ENTREP2: variants seen among roughly 807,000 people sequenced by gnomAD.
The protein encoded by ENTREP2 is endosomal transmembrane epsin interactor 2, also known as protein ENTREP2.
chr15:29,347,473 T>A, the ENTREP2 span, among the ~76,000 whole-genome samples: 4 of 152,166 alleles, frequency 2.6e-5, no homozygotes, highest in African/African-American at 9.7e-5. Context: ...GCTGAGCCTA[T>A]GGCATCTTAA....
chr15:29,172,778 C>T, the ENTREP2 span, among the ~76,000 whole-genome samples: 1 of 152,120 alleles, frequency 6.6e-6, no homozygotes, highest in Admixed American at 6.5e-5. Context: ...CTACCAACCT[C>T]ACCTGCAATC....
the ENTREP2 span, among the ~76,000 whole-genome samples, chr15:29,337,628 GC>G: frequency 5.9e-5 from 9 of 152,196 alleles, no homozygotes; most frequent in Non-Finnish European, 1.0e-4. Flanking sequence ...GTGGCTGAAT[GC>G]CCAGACTTTG....
the ENTREP2 span, among the ~76,000 whole-genome samples, chr15:29,425,077 G>A: frequency 1.3e-5 from 2 of 152,132 alleles, no homozygotes; most frequent in Non-Finnish European, 2.9e-5. Flanking sequence ...TGCCCAGGCT[G>A]GAGTGCAGTG....
chr15:29,379,793 G>A, the ENTREP2 span, among the ~76,000 whole-genome samples: 5 of 152,154 alleles, frequency 3.3e-5, no homozygotes, highest in Admixed American at 2.0e-4. Context: ...GGTGGCGCGC[G>A]GGGGTGATTG....
At chr15:29,572,905 A>C in the ENTREP2 span, among the ~76,000 whole-genome samples, 5 of 151,936 alleles carry the variant, frequency 3.3e-5, no homozygotes, top group African/African-American at 1.2e-4. Flanking sequence ...AATACCAAAA[A>C]TGGGTTGAGG....
chr15:29,520,186 A>G, the ENTREP2 span, among the ~76,000 whole-genome samples: 1 of 152,230 alleles, frequency 6.6e-6, no homozygotes, highest in Non-Finnish European at 1.5e-5. Flanking sequence ...GCATTATGTG[A>G]CATGGATAAA....
At chr15:29,219,610 CATAAATATATATATATATATAT>C in the ENTREP2 span, among the ~76,000 whole-genome samples, 1 of 98,012 alleles carries the variant, frequency 1.0e-5, no homozygotes, top group African/African-American at 5.0e-5. Flanking sequence ...AACTGTGGTG[CATAAATATATATATATATATAT>C]ATATATATAT....
At chr15:29,257,975 G>C in the ENTREP2 span, among the ~76,000 whole-genome samples, 2 of 152,138 alleles carry the variant, frequency 1.3e-5, no homozygotes, top group Non-Finnish European at 2.9e-5. Flanking sequence ...ACTTTGGGAG[G>C]CTGAGGCGGG....
chr15:29,197,670 G>A, the ENTREP2 span, among the ~76,000 whole-genome samples: 7 of 151,874 alleles, frequency 4.6e-5, no homozygotes, highest in Non-Finnish European at 1.0e-4. Flanking sequence ...AGAGGCTGAG[G>A]CAGGAGAATC....
the ENTREP2 span, among the ~76,000 whole-genome samples, chr15:29,623,974 G>T: frequency 6.6e-6 from 1 of 152,170 alleles, no homozygotes; most frequent in African/African-American, 2.4e-5. Context: ...CTGACCTCAG[G>T]TGATCCACCT....
the ENTREP2 span, among the ~76,000 whole-genome samples, chr15:29,534,106 CAAAAAAAAAAAAAAAAAA>C: frequency 1.1e-3 from 50 of 44,942 alleles, 1 homozygote; most frequent in African/African-American, 3.3e-3. Flanking sequence ...GCCCCTTGGC[CAAAAAAAAAAAAAAAAAA>C]AAAAAAAAAA....
chr15:29,213,707 T>C, the ENTREP2 span, among the ~76,000 whole-genome samples: 15 of 152,164 alleles, frequency 9.9e-5, no homozygotes, highest in Non-Finnish European at 2.1e-4. Flanking sequence ...GATGGGGTTT[T>C]CTAGATATAC....
chr15:29,235,990 A>C, the ENTREP2 span, among the ~76,000 whole-genome samples: 11 of 151,944 alleles, frequency 7.2e-5, no homozygotes, highest in African/African-American at 9.6e-5. Context: ...ACAAAAAAAA[A>C]CCCAAAGCAA....
At chr15:29,616,695 G>T in the ENTREP2 span, among the ~76,000 whole-genome samples, 2 of 152,124 alleles carry the variant, frequency 1.3e-5, no homozygotes, top group Non-Finnish European at 2.9e-5. Flanking sequence ...TTACAGACAA[G>T]TATTTTGCTT....
chr15:29,377,275 C>G, the ENTREP2 span, among the ~76,000 whole-genome samples: 1 of 152,122 alleles, frequency 6.6e-6, no homozygotes, highest in African/African-American at 2.4e-5. Context: ...TCTCACACGT[C>G]ATCTGGAAAA....
chr15:29,225,239 T>C, the ENTREP2 span, among the ~76,000 whole-genome samples: 3 of 152,242 alleles, frequency 2.0e-5, no homozygotes, highest in Admixed American at 6.5e-5. Flanking sequence ...ACAGCCAGAG[T>C]GGGCACCAAG....
At chr15:29,381,835 G>A in the ENTREP2 span, 4 of 1,551,456 alleles carry the variant, frequency 2.6e-6, no homozygotes, top group African/African-American at 5.5e-5. Context: ...GCAGCACCTG[G>A]AAGGACAAAA....
At chr15:29,361,545 A>C in the ENTREP2 span, among the ~76,000 whole-genome samples, 1 of 152,162 alleles carries the variant, frequency 6.6e-6, no homozygotes, top group Non-Finnish European at 1.5e-5. Context: ...TCCCCAACTC[A>C]TATCATAACC....
At chr15:29,520,103 G>A in the ENTREP2 span, among the ~76,000 whole-genome samples, 1 of 152,178 alleles carries the variant, frequency 6.6e-6, no homozygotes, top group African/African-American at 2.4e-5. Context: ...CACAAAGCCT[G>A]TTGGTGGACT....
Sources: gnomAD v4.1 joint callset for allele counts (sites outside exome capture counted in the v4.1 genomes callset) on GRCh38, gnomAD v4.1.1 for gene constraint, MANE v1.5 for transcripts, NCBI Gene and HGNC (gene_info 2026-07-23, HGNC 2026-07-21) for gene names.